The following VOPP1 variants were observed in gnomAD, a reference collection of about 807,000 sequenced individuals.
VOPP1 encodes the protein WW domain binding protein VOPP1.
VOPP1 carries 8 observed loss-of-function variants against 23.5 expected under a neutral mutation model. The observed-to-expected ratio is 0.34, with a 90% CI of 0.20 to 0.61. VOPP1 has a LOEUF of 0.61. Among genes scored for constraint, VOPP1 ranks in the 20% least tolerant of loss-of-function variants. The probability of loss-of-function intolerance (pLI) is 0.78; values close to 1 mark genes in which losing one functional copy is unlikely to be tolerated. For synonymous variants in VOPP1, 83 were observed against 97.3 expected, an observed-to-expected ratio of 0.85 and a Z score of 0.86; for missense variants, 174 against 238.1, an observed-to-expected ratio of 0.73 and a Z score of 1.77.
intron 1 of VOPP1, among the ~76,000 whole-genome samples, chr7:55,554,977 G>A (rs983547163): frequency 2.0e-5 from 3 of 152,170 alleles, no homozygotes; most frequent in African/African-American, 7.2e-5. Context: ...CTTCCAAGGT[G>A]GCTGCTTTTT....
intron 2 of VOPP1, among the ~76,000 whole-genome samples, chr7:55,504,589 G>C (rs1012766902): frequency 1.2e-4 from 18 of 152,322 alleles, no homozygotes; most frequent in African/African-American, 4.1e-4. Flanking sequence ...ACCTGCCCAG[G>C]CAGACGCTGC....
chr7:55,459,150 CCTTCATTCCA>C (rs527712638), intron 4 of VOPP1, among the ~76,000 whole-genome samples: 203 of 151,180 alleles, frequency 1.3e-3, no homozygotes, highest in Middle Eastern at 3.4e-3. Context: ...AAAGTTTTTT[CCTTCATTCCA>C]CTGATGTCAT....
At chr7:55,453,763 T>G (rs1791299702) in intron 4 of VOPP1, among the ~76,000 whole-genome samples, 1 of 152,152 alleles carries the variant, frequency 6.6e-6, no homozygotes, top group Admixed American at 6.5e-5. Flanking sequence ...CACATGCTGT[T>G]GGAAAAAAAT....
At chr7:55,493,810 G>T (rs983265989) in intron 3 of VOPP1, among the ~76,000 whole-genome samples, 1 of 152,180 alleles carries the variant, frequency 6.6e-6, no homozygotes, top group African/African-American at 2.4e-5. Flanking sequence ...GATGCAAGAA[G>T]AATACTGTGT....
At chr7:55,501,873 C>CTG (rs962000483) in intron 2 of VOPP1, among the ~76,000 whole-genome samples, 4 of 152,298 alleles carry the variant, frequency 2.6e-5, no homozygotes, top group East Asian at 3.9e-4. Context: ...CAAGATGCTC[C>CTG]TGTGTGTCTC....
chr7:55,568,174 G>C (rs1798225922), intron 1 of VOPP1, among the ~76,000 whole-genome samples: 1 of 148,676 alleles, frequency 6.7e-6, no homozygotes, highest in Admixed American at 6.8e-5. Flanking sequence ...CCGCCTCCCG[G>C]GTTCACGCCA....
chr7:55,567,764 C>T (rs556368388), intron 1 of VOPP1, among the ~76,000 whole-genome samples: 1 of 152,312 alleles, frequency 6.6e-6, no homozygotes, highest in Non-Finnish European at 1.5e-5. Flanking sequence ...TTTCCAGAGA[C>T]AGCAAACTCC....
intron 4 of VOPP1, among the ~76,000 whole-genome samples, chr7:55,461,156 G>A (rs1791490707): frequency 6.6e-6 from 1 of 152,074 alleles, no homozygotes; most frequent in Non-Finnish European, 1.5e-5. Context: ...AACACCATAT[G>A]TTCTCACTCG....
chr7:55,485,343 G>T (rs548829189), intron 4 of VOPP1, among the ~76,000 whole-genome samples: 1 of 152,140 alleles, frequency 6.6e-6, no homozygotes, highest in Non-Finnish European at 1.5e-5. Context: ...TCCTTCAAAA[G>T]TATTTTCCCA....
chr7:55,454,233 C>G (rs528241670), intron 4 of VOPP1, among the ~76,000 whole-genome samples: 2 of 152,196 alleles, frequency 1.3e-5, no homozygotes, highest in Admixed American at 1.3e-4. Flanking sequence ...CATACACCCT[C>G]CCAAGACTAA....
At chr7:55,446,989 A>T (rs552872597) in intron 4 of VOPP1, among the ~76,000 whole-genome samples, 2 of 152,344 alleles carry the variant, frequency 1.3e-5, no homozygotes, top group African/African-American at 4.8e-5. Context: ...TCTAGATATC[A>T]CATCAGTGAT....
At position 55,549,822 on chromosome 7, in the gene VOPP1, C is replaced by T. The variant is rs1479606694; in HGVS notation, c.54+22449G>A. 3.3e-5 allele frequency among the ~76,000 whole-genome samples: 5 copies of T among 152,196 alleles called. No individual in the cohort carries two copies. In the East Asian group the frequency reaches 9.6e-4, roughly 29 times the overall value. Reference sequence around the variant, plus strand: ...GTATGCACACATTCTACAAGAGATCCCCCTTTACAAAAATCTCACATATTA... The same window carrying T: ...GTATGCACACATTCTACAAGAGATCTCCCTTTACAAAAATCTCACATATTA... On this transcript the variant is annotated intron_variant, in intron 1 of 4. Transcript: ENST00000285279.
intron 1 of VOPP1, 67 bp downstream of exon 1, chr7:55,572,204 T>C (rs973098211): frequency 1.4e-6 from 2 of 1,396,954 alleles, no homozygotes; most frequent in African/African-American, 1.5e-5. Context: ...GCCTCGGAAC[T>C]GCGCGCCCCC....
chr7:55,518,796 T>C (rs1332708205), intron 2 of VOPP1, among the ~76,000 whole-genome samples: 2 of 133,366 alleles, frequency 1.5e-5, no homozygotes, highest in Non-Finnish European at 3.2e-5. Flanking sequence ...CTTGAAAGTC[T>C]ACTGTTAAAA....
intron 4 of VOPP1, among the ~76,000 whole-genome samples, chr7:55,451,961 A>T (rs2129001833): frequency 6.6e-6 from 1 of 152,254 alleles, no homozygotes; most frequent in East Asian, 1.9e-4. Flanking sequence ...TTAAAATAAG[A>T]CAACAATGAA....
At chr7:55,537,518 T>G in intron 1 of VOPP1, 1 of 1,536,056 alleles carries the variant, frequency 6.5e-7, no homozygotes, top group Non-Finnish European at 8.7e-7. Flanking sequence ...TGTGAGCCCG[T>G]CCTTCGCATT....
rs77462743 is a variant in VOPP1 at position 55,532,898 on chromosome 7, G to A, written c.55-11768C>T. On this transcript the variant is annotated intron_variant, in intron 1 of 4. Coordinates refer to ENST00000285279, the MANE Select transcript of VOPP1 (RefSeq NM_030796.5). Reference sequence around the variant, plus strand: ...ACCTGGAGTCAAAAAGCAATTTCTTGTGCTTAGAAGACTTTCTATTTCTTG... The same window carrying A: ...ACCTGGAGTCAAAAAGCAATTTCTTATGCTTAGAAGACTTTCTATTTCTTG... 3.7e-3 allele frequency among the ~76,000 whole-genome samples: 556 copies of A among 152,284 alleles called. 3 individuals carry two copies. The highest frequency in any genetic ancestry group is 0.012 in the African/African-American group (507 of 41,548).
chr7:55,445,108 T>C (rs957062436), intron 4 of VOPP1, among the ~76,000 whole-genome samples: 2 of 152,232 alleles, frequency 1.3e-5, no homozygotes, highest in African/African-American at 4.8e-5. Context: ...GGAAGATGTA[T>C]CTTGCATAAC....
At chr7:55,572,188 T>TGGGGCGCCTCGGAAC in intron 1 of VOPP1, 83 bp downstream of exon 1, 1 of 1,210,198 alleles carries the variant, frequency 8.3e-7, no homozygotes, top group Admixed American at 2.5e-5. Flanking sequence ...CAAGGTCCTC[T>TGGGGCGCCTCGGAAC]GGGGCGCCTC....
Sources: allele counts gnomAD v4.1 joint callset (sites outside exome capture counted in the v4.1 genomes callset), GRCh38; gene constraint gnomAD v4.1.1; transcripts MANE v1.5; gene names NCBI Gene and HGNC (gene_info 2026-07-23, HGNC 2026-07-21).